ZNF385D: variants seen among roughly 807,000 people sequenced by gnomAD.
ZNF385D encodes the protein zinc finger protein 659.
In ZNF385D, 15 loss-of-function variants were observed where a neutral mutation model predicts 35.8. The observed-to-expected ratio is 0.42, with a 90% confidence interval of 0.28 to 0.64. The LOEUF is 0.64. ZNF385D is among the 30% of genes least tolerant of loss of function. The pLI is 0.23. For missense variants in ZNF385D, 474 were observed against 494.6 expected, an observed-to-expected ratio of 0.96 and a Z score of 0.39; for synonymous variants, 212 against 186.8, an observed-to-expected ratio of 1.13 and a Z score of -1.10.
chr3:21,603,514 T>C (rs1423748537), intron 2 of ZNF385D, among the ~76,000 whole-genome samples: 3 of 152,234 alleles, frequency 2.0e-5, no homozygotes, highest in Non-Finnish European at 2.9e-5. Flanking sequence ...GTTACATCTG[T>C]ACAGTTTATA....
chr3:22,039,619 T>C (rs1257491755), intron 3 of ZNF385D, among the ~76,000 whole-genome samples: 3 of 152,078 alleles, frequency 2.0e-5, no homozygotes, highest in Non-Finnish European at 4.4e-5. Flanking sequence ...AAAATGACAA[T>C]TTCATTCAAC....
chr3:21,537,863 C>T (rs9852967), intron 3 of ZNF385D, among the ~76,000 whole-genome samples: 112 of 152,196 alleles, frequency 7.4e-4, no homozygotes, highest in African/African-American at 2.0e-3. Context: ...GCCACCTGCT[C>T]TTGGCTTATA....
At chr3:21,588,914 T>C (rs1362424586) in intron 2 of ZNF385D, among the ~76,000 whole-genome samples, 1 of 152,172 alleles carries the variant, frequency 6.6e-6, no homozygotes, top group Non-Finnish European at 1.5e-5. Flanking sequence ...TGCTCATACA[T>C]CCACTCACTC....
intron 3 of ZNF385D, among the ~76,000 whole-genome samples, chr3:21,806,497 G>T (rs940848997): frequency 1.3e-5 from 2 of 151,972 alleles, no homozygotes; most frequent in African/African-American, 2.4e-5. Flanking sequence ...GAGCCACCGC[G>T]CCTGGCCAAT....
At chr3:22,337,200 A>G (rs553118491) in intron 2 of ZNF385D, among the ~76,000 whole-genome samples, 1 of 152,198 alleles carries the variant, frequency 6.6e-6, no homozygotes, top group Admixed American at 6.5e-5. Flanking sequence ...TGCTCATTAT[A>G]AGAATGGATA....
chr3:22,348,982 T>C (rs1449174023), intron 2 of ZNF385D, among the ~76,000 whole-genome samples: 1 of 152,188 alleles, frequency 6.6e-6, no homozygotes, highest in Non-Finnish European at 1.5e-5. Context: ...TGAGAGCAAA[T>C]GACTCCAACC....
chr3:21,471,825 A>C (rs1449874435), intron 4 of ZNF385D, among the ~76,000 whole-genome samples: 1 of 150,992 alleles, frequency 6.6e-6, no homozygotes, highest in African/African-American at 2.5e-5. Context: ...AAAATCTCAG[A>C]GAGACAAAGA....
At chr3:21,736,769 T>C (rs145646850) in intron 1 of ZNF385D, among the ~76,000 whole-genome samples, 1 of 152,312 alleles carries the variant, frequency 6.6e-6, no homozygotes, top group East Asian at 1.9e-4. Flanking sequence ...TGCTGTTCTA[T>C]CCTACAAATC....
rs1349924653 is a variant in ZNF385D at position 21,414,347 on chromosome 3, G to A, written c.*6867C>T. The A allele has an allele frequency of 6.6e-6, 1 of 152,018 alleles. No homozygotes were observed. The highest frequency in any genetic ancestry group is 1.5e-5 in the Non-Finnish European group (1 of 67,966). 9.4% of individuals were successfully genotyped at this position (152,018 alleles called of 1,614,324 possible). A position where few individuals can be genotyped will look rare whatever the true frequency, so the allele number is the denominator to read the frequency against. On this transcript the variant is annotated 3_prime_UTR_variant, in exon 8 of 8. Transcript: ENST00000281523. ...ATGTTCTTTGCATATAGCTCCATGT[G>A]CAGATTAAAAACTATATTTTTAAAA...
At chr3:21,761,091 A>G (rs1264198536) in intron 3 of ZNF385D, among the ~76,000 whole-genome samples, 1 of 152,168 alleles carries the variant, frequency 6.6e-6, no homozygotes, top group African/African-American at 2.4e-5. Context: ...GTGAAGAGGT[A>G]CACATGGCAA....
At chr3:21,428,932 C>CCTT (rs1701148461) in intron 5 of ZNF385D, among the ~76,000 whole-genome samples, 1 of 49,788 alleles carries the variant, frequency 2.0e-5, no homozygotes, top group Admixed American at 2.4e-4. Context: ...TCCAAGAAAT[C>CCTT]CTTTTTTTTT....
intron 2 of ZNF385D, among the ~76,000 whole-genome samples, chr3:22,371,113 CA>C (rs1696884064): frequency 6.6e-6 from 1 of 152,192 alleles, no homozygotes; most frequent in African/African-American, 2.4e-5. Flanking sequence ...CATCAATCTA[CA>C]TAATTTGAAA....
chr3:22,098,466 A>G (rs1040602612), intron 3 of ZNF385D, among the ~76,000 whole-genome samples: 2 of 152,136 alleles, frequency 1.3e-5, no homozygotes, highest in Admixed American at 1.3e-4. Context: ...AAGAAAACAC[A>G]TTAAATTTAT....
intron 2 of ZNF385D, among the ~76,000 whole-genome samples, chr3:22,221,534 C>T (rs1042463356): frequency 3.9e-5 from 6 of 152,116 alleles, no homozygotes. Flanking sequence ...TGCACAGAGG[C>T]AATTTTGATA....
At chr3:21,439,677 C>T (rs1226647279) in intron 4 of ZNF385D, among the ~76,000 whole-genome samples, 2 of 152,006 alleles carry the variant, frequency 1.3e-5, no homozygotes, top group Non-Finnish European at 2.9e-5. Flanking sequence ...ATAGAATAAA[C>T]AAAACCAGGA....
At chr3:22,249,785 A>T (rs183091289) in intron 2 of ZNF385D, among the ~76,000 whole-genome samples, 7 of 152,296 alleles carry the variant, frequency 4.6e-5, no homozygotes, top group African/African-American at 1.7e-4. Context: ...GAAAGCTAAA[A>T]TTGTGGGGTT....
chr3:21,807,306 T>C (rs537177796), intron 3 of ZNF385D, among the ~76,000 whole-genome samples: 129 of 152,184 alleles, frequency 8.5e-4, no homozygotes, highest in Non-Finnish European at 1.6e-3. Context: ...ATTTTTCAAG[T>C]GTTTTAATAC....
intron 3 of ZNF385D, among the ~76,000 whole-genome samples, chr3:22,160,863 T>C (rs896504855): frequency 5.9e-5 from 9 of 152,106 alleles, no homozygotes; most frequent in Non-Finnish European, 1.3e-4. Context: ...TACTCAATCC[T>C]TCAACAAGCA....
intron 2 of ZNF385D, among the ~76,000 whole-genome samples, chr3:22,329,391 T>C (rs1438957357): frequency 6.6e-6 from 1 of 152,200 alleles, no homozygotes; most frequent in East Asian, 1.9e-4. Context: ...AGTTCAAGTG[T>C]TGATATTTCA....
Sources: gnomAD v4.1 joint callset for allele counts (sites outside exome capture counted in the v4.1 genomes callset) on GRCh38, gnomAD v4.1.1 for gene constraint, MANE v1.5 for transcripts, NCBI Gene and HGNC (gene_info 2026-07-23, HGNC 2026-07-21) for gene names.